SLC1A1: variants seen among roughly 807,000 people sequenced by gnomAD.
The protein encoded by SLC1A1 is solute carrier family 1 member 1.
SLC1A1 carries 43 observed loss-of-function variants against 53.3 expected under a neutral mutation model. That is an observed-to-expected ratio of 0.81 (90% CI 0.63 to 1.04). The LOEUF (loss-of-function observed/expected upper bound fraction) is 1.04, where lower values mean the gene tolerates loss of function less well. Ranked by LOEUF, SLC1A1 falls within the 50% of genes least tolerant of loss-of-function variation. The probability of loss-of-function intolerance (pLI) is 0.00; values close to 1 mark genes in which losing one functional copy is unlikely to be tolerated. For missense variants in SLC1A1, 748 were observed against 664.9 expected, an observed-to-expected ratio of 1.12 and a Z score of -1.37; for synonymous variants, 307 against 243.2, an observed-to-expected ratio of 1.26 and a Z score of -2.44.
At chr9:4,555,760 A>G (rs551703011) in intron 2 of SLC1A1, among the ~76,000 whole-genome samples, 3 of 152,178 alleles carry the variant, frequency 2.0e-5, no homozygotes, top group Admixed American at 2.0e-4. Context: ...CTGTTCCATC[A>G]AGCCTCTCCT....
At chr9:4,567,880 T>C (rs1819637381) in intron 6 of SLC1A1, 113 bp downstream of exon 6, 4 of 765,560 alleles carry the variant, frequency 5.2e-6, no homozygotes, top group Non-Finnish European at 9.3e-6. Context: ...CAAATTCACC[T>C]ACTTGCTAAA....
chr9:4,559,172 G>T (rs925835632), intron 2 of SLC1A1, among the ~76,000 whole-genome samples: 7 of 152,000 alleles, frequency 4.6e-5, no homozygotes, highest in African/African-American at 1.5e-4. Context: ...ATCTTTCATT[G>T]TCTTACTGGG....
At chr9:4,573,371 C>T (rs1028117234) in intron 7 of SLC1A1, among the ~76,000 whole-genome samples, 2 of 152,072 alleles carry the variant, frequency 1.3e-5, no homozygotes, top group African/African-American at 4.8e-5. Flanking sequence ...TAAAAGCTAC[C>T]CCCAGGGATA....
chr9:4,528,101 T>G (rs1261007939), intron 1 of SLC1A1, among the ~76,000 whole-genome samples: 1 of 152,152 alleles, frequency 6.6e-6, no homozygotes, highest in African/African-American at 2.4e-5. Context: ...ATTAGGAGCA[T>G]GGACACTTTG....
chr9:4,495,880 T>C (rs1257876848), intron 1 of SLC1A1, among the ~76,000 whole-genome samples: 3 of 152,050 alleles, frequency 2.0e-5, no homozygotes, highest in East Asian at 1.9e-4. Context: ...CAGAGAGTCC[T>C]GGAAGGGGCA....
At chr9:4,539,318 T>A (rs540433050) in intron 1 of SLC1A1, among the ~76,000 whole-genome samples, 35 of 152,350 alleles carry the variant, frequency 2.3e-4, no homozygotes, top group African/African-American at 7.7e-4. Flanking sequence ...ATGTGACTTT[T>A]TTGTTCTTTT....
In SLC1A1 at chr9:4,585,344, G is replaced by C. The variant is rs769965634; in HGVS notation, c.1361G>C (p.Gly454Ala). 1.2e-6 allele frequency: 2 copies of C among 1,614,126 alleles called. No individual in the cohort carries two copies. The highest frequency in any genetic ancestry group is 2.7e-5 in the African/African-American group (2 of 75,042). The change falls in exon 12 of 12, where the codon GGT becomes GCT. Residue 454 changes from glycine to alanine, a missense_variant. Gly to Ala is a moderately conservative substitution (Grantham distance 60). Coordinates refer to ENST00000262352, the MANE Select transcript of SLC1A1 (RefSeq NM_004170.6). ...TTCAGGACCATGGTCAACGTCCTTG[G>C]TGATGCTTTTGGGACGGGCATTGTG... The part of the protein sequence containing the change: ...DRFRTMVNVL[G>A]DAFGTGIVEK...
At chr9:4,548,963 T>C (rs1000315561) in intron 2 of SLC1A1, among the ~76,000 whole-genome samples, 1 of 152,206 alleles carries the variant, frequency 6.6e-6, no homozygotes, top group Non-Finnish European at 1.5e-5. Flanking sequence ...GCCGTATTTA[T>C]GTCAAAGCAC....
At chr9:4,534,352 G>C (rs1816593482) in intron 1 of SLC1A1, among the ~76,000 whole-genome samples, 1 of 152,078 alleles carries the variant, frequency 6.6e-6, no homozygotes, top group Non-Finnish European at 1.5e-5. Context: ...GAATCAAACA[G>C]ATGCAATTAA....
At position 4,574,019 on chromosome 9, in the gene SLC1A1, GT is replaced by G. The variant is rs760630806; in HGVS notation, c.875+6del. On this transcript the variant is annotated splice_donor_region_variant and intron_variant, in intron 8 of 11. Coordinates refer to ENST00000262352, the MANE Select transcript of SLC1A1 (RefSeq NM_004170.6). Reference sequence around the variant, plus strand: ...CATGGCCACAGTCCTGACTGGGTATGTCAGACTCAAGAGAAGAGACAGAAAC... The same window carrying G: ...CATGGCCACAGTCCTGACTGGGTATGCAGACTCAAGAGAAGAGACAGAAAC... 1 of 1,585,128 alleles carries G rather than the reference GT, an allele frequency of 6.3e-7. No individual in the cohort carries two copies. Among genetic ancestry groups the G allele is most frequent in the Non-Finnish European group, 8.7e-7 (1 of 1,153,582 alleles).
At chr9:4,514,527 T>G (rs1229781792) in intron 1 of SLC1A1, among the ~76,000 whole-genome samples, 1 of 152,106 alleles carries the variant, frequency 6.6e-6, no homozygotes, top group Admixed American at 6.5e-5. Context: ...CAAATACACT[T>G]GGGCTGAGTT....
At chr9:4,522,655 A>G (rs1248661969) in intron 1 of SLC1A1, among the ~76,000 whole-genome samples, 1 of 152,186 alleles carries the variant, frequency 6.6e-6, no homozygotes, top group African/African-American at 2.4e-5. Flanking sequence ...GCCTCAGGAA[A>G]CTTACAATCA....
intron 2 of SLC1A1, among the ~76,000 whole-genome samples, chr9:4,550,737 G>T (rs1333276553): frequency 6.6e-6 from 1 of 152,120 alleles, no homozygotes; most frequent in Non-Finnish European, 1.5e-5. Flanking sequence ...AAAACCTTAG[G>T]TATATTCAGT....
At chr9:4,498,472 A>G (rs1447872269) in intron 1 of SLC1A1, among the ~76,000 whole-genome samples, 1 of 152,160 alleles carries the variant, frequency 6.6e-6, no homozygotes, top group Non-Finnish European at 1.5e-5. Flanking sequence ...AAATGACAGG[A>G]ATAGCCTAGT....
At chr9:4,519,022 C>G (rs1163219758) in intron 1 of SLC1A1, among the ~76,000 whole-genome samples, 2 of 152,190 alleles carry the variant, frequency 1.3e-5, no homozygotes, top group Non-Finnish European at 2.9e-5. Flanking sequence ...GCCTTAGGGT[C>G]TCCAACCCCT....
chr9:4,542,175 G>A (rs1817072606), intron 1 of SLC1A1, among the ~76,000 whole-genome samples: 1 of 150,302 alleles, frequency 6.7e-6, no homozygotes, highest in Non-Finnish European at 1.5e-5. Flanking sequence ...GAGGGGAAAA[G>A]GAAAGGGAGA....
At chr9:4,547,202 GA>G (rs1355266567) in intron 2 of SLC1A1, among the ~76,000 whole-genome samples, 4 of 152,202 alleles carry the variant, frequency 2.6e-5, no homozygotes, top group Admixed American at 2.0e-4. Flanking sequence ...CCTCTAGTGA[GA>G]TTTTTGCAGT....
chr9:4,567,355 G>A (rs1253400075), intron 5 of SLC1A1, among the ~76,000 whole-genome samples: 3 of 152,226 alleles, frequency 2.0e-5, no homozygotes, highest in Non-Finnish European at 4.4e-5. Context: ...GTCTCTGACA[G>A]CACCTGCAGA....
Position 4,529,410 on chromosome 9 carries a change from C to T in SLC1A1, c.92-15157C>T, listed in dbSNP as rs760328417. ...TGCAGTAGTCTTACGAATTCATACTCGTCCTTTCCCAGACAAATGTCTCTA... is the reference window on the plus strand; with the variant it reads ...TGCAGTAGTCTTACGAATTCATACTTGTCCTTTCCCAGACAAATGTCTCTA... On this transcript the variant is annotated intron_variant, in intron 1 of 11. Coordinates refer to ENST00000262352, the MANE Select transcript of SLC1A1 (RefSeq NM_004170.6). 5.3e-4 allele frequency among the ~76,000 whole-genome samples: 81 copies of T among 152,160 alleles called. 1 individual carries two copies. The highest frequency in any genetic ancestry group is 6.0e-4 in the Non-Finnish European group (41 of 68,036).
Sources: gnomAD v4.1 joint callset for allele counts (sites outside exome capture counted in the v4.1 genomes callset) on GRCh38, gnomAD v4.1.1 for gene constraint, MANE v1.5 for transcripts, NCBI Gene and HGNC (gene_info 2026-07-23, HGNC 2026-07-21) for gene names.